The following MTA3 variants were observed in gnomAD, a reference collection of about 807,000 sequenced individuals.
The protein encoded by MTA3 is metastasis associated 1 family member 3, also known as metastasis-associated protein MTA3.
In MTA3, 34 loss-of-function variants were observed where a neutral mutation model predicts 83.5. The ratio of observed to expected loss-of-function variants is 0.41; its 90% CI spans 0.31 to 0.54. MTA3 has a LOEUF of 0.54. Among genes scored for constraint, MTA3 ranks in the 20% least tolerant of loss-of-function variants. MTA3 has a pLI of 0.33. For missense variants in MTA3, 761 were observed against 726.4 expected (o/e 1.05, Z -0.55); for synonymous variants, 303 against 252.7 (o/e 1.20, Z -1.89).
intron 3 of MTA3, among the ~76,000 whole-genome samples, chr2:42,597,367 C>G (rs984102928): frequency 7.2e-6 from 1 of 138,646 alleles, no homozygotes; most frequent in Non-Finnish European, 1.5e-5. Flanking sequence ...ACCTGGCCGA[C>G]AAGTTATCTT....
chr2:42,688,348 T>G (rs532011947), intron 9 of MTA3, among the ~76,000 whole-genome samples: 1 of 152,346 alleles, frequency 6.6e-6, no homozygotes, highest in African/African-American at 2.4e-5. Context: ...CCTCCCAAGT[T>G]GCTGGGATTA....
At chr2:42,667,578 G>GTGTGTGTGTGTGTGTGTT (rs1553379082) in intron 8 of MTA3, among the ~76,000 whole-genome samples, 36,317 of 129,436 alleles carry the variant, frequency 0.28, 4,945 homozygotes, top group South Asian at 0.34. Flanking sequence ...AATTGTGTGT[G>GTGTGTGTGTGTGTGTGTT]TGTGTGTGTG....
chr2:42,509,656 G>A (rs1218212428), intron 2 of MTA3, among the ~76,000 whole-genome samples: 1 of 151,736 alleles, frequency 6.6e-6, no homozygotes, highest in Non-Finnish European at 1.5e-5. Context: ...CTGTAATCCC[G>A]GCTACTTGGG....
chr2:42,754,722 G>GA lies in MTA3; in HGVS notation c.*1324dup. 1.0e-6 allele frequency: 1 copy of GA among 985,536 alleles called. No homozygotes were observed. The highest frequency in any genetic ancestry group is 1.2e-6 in the Non-Finnish European group (1 of 829,978). The allele number at this position is 985,536 out of a possible 1,614,324, so 61.0% of individuals were successfully genotyped here. ...TAGGAGGCAGCTGGATGGCAGATACGAGAGGCCCAAATAGCCAAGCTGTTG... is the reference window on the plus strand; with the variant it reads ...TAGGAGGCAGCTGGATGGCAGATACGAAGAGGCCCAAATAGCCAAGCTGTTG... On this transcript the variant is annotated 3_prime_UTR_variant, in exon 17 of 17. Transcript: ENST00000405094.
intron 12 of MTA3, among the ~76,000 whole-genome samples, chr2:42,704,801 C>G (rs1665921704): frequency 1.3e-5 from 2 of 152,194 alleles, no homozygotes; most frequent in Admixed American, 6.5e-5. Flanking sequence ...ATGATACTTG[C>G]TTTTGGCCTC....
At chr2:42,725,951 T>C (rs914142324) in intron 16 of MTA3, among the ~76,000 whole-genome samples, 9 of 152,136 alleles carry the variant, frequency 5.9e-5, no homozygotes, top group African/African-American at 2.2e-4. Flanking sequence ...GAATGGACCT[T>C]TTCATTGGGA....
At chr2:42,645,455 G>T (rs1688092807) in intron 6 of MTA3, among the ~76,000 whole-genome samples, 1 of 152,122 alleles carries the variant, frequency 6.6e-6, no homozygotes, top group Non-Finnish European at 1.5e-5. Flanking sequence ...AACCTCGGAG[G>T]CAGAGGTTGG....
intron 3 of MTA3, among the ~76,000 whole-genome samples, chr2:42,580,621 C>T (rs1679512395): frequency 6.6e-6 from 1 of 151,998 alleles, no homozygotes; most frequent in Admixed American, 6.6e-5. Flanking sequence ...CTGCTGACTT[C>T]AGCCTCCCAA....
chr2:42,672,846 C>CTTTT (rs70963344), intron 8 of MTA3, among the ~76,000 whole-genome samples: 1 of 114,362 alleles, frequency 8.7e-6, no homozygotes, highest in Non-Finnish European at 1.7e-5. Flanking sequence ...GTATAAAAAG[C>CTTTT]TTTTTTTTTT....
chr2:42,573,867 A>G (rs1678752650), intron 2 of MTA3, among the ~76,000 whole-genome samples: 2 of 147,974 alleles, frequency 1.4e-5, no homozygotes, highest in Non-Finnish European at 3.0e-5. Flanking sequence ...CGACCAGGCT[A>G]GAGTGCAGTG....
chr2:42,756,521 T>C lies in MTA3; in HGVS notation c.*3122T>C, dbSNP rs190642776. On this transcript the variant is annotated 3_prime_UTR_variant, in exon 17 of 17. Transcript: ENST00000405094. ...CGGTGTCATGTCTGAGCCTGGTGTT[T>C]ATGCCCCACTGCTGTCCTAAGTCCC... is the stretch of plus-strand genomic sequence containing the variant. 1.0e-6 allele frequency: 1 copy of C among 985,742 alleles called. No individual in the cohort carries two copies. Among genetic ancestry groups the C allele is most frequent in the Admixed American group, 6.1e-5 (1 of 16,290 alleles). 61.1% of individuals were successfully genotyped at this position (985,742 alleles called of 1,614,324 possible). A position where few individuals can be genotyped will look rare whatever the true frequency, so the allele number is the denominator to read the frequency against.
chr2:42,718,212 G>C (rs769215243), intron 14 of MTA3, among the ~76,000 whole-genome samples: 1 of 151,136 alleles, frequency 6.6e-6, no homozygotes. Flanking sequence ...TGTCCTTGAA[G>C]AGTGCTGTCT....
intron 4 of MTA3, among the ~76,000 whole-genome samples, chr2:42,621,171 T>C (rs1345618317): frequency 6.6e-6 from 1 of 151,718 alleles, no homozygotes; most frequent in Non-Finnish European, 1.5e-5. Context: ...CTTGGGTGTT[T>C]CTCGCAGAGG....
intron 4 of MTA3, among the ~76,000 whole-genome samples, chr2:42,612,668 C>T (rs1308648111): frequency 6.6e-6 from 1 of 152,098 alleles, no homozygotes; most frequent in Admixed American, 6.6e-5. Context: ...TGAGACCAGC[C>T]TAGCCAACAT....
At chr2:42,643,739 A>G (rs977964477) in intron 5 of MTA3, among the ~76,000 whole-genome samples, 1 of 152,188 alleles carries the variant, frequency 6.6e-6, no homozygotes, top group Non-Finnish European at 1.5e-5. Context: ...GGTATCTGTG[A>G]AGTCTTCCCT....
intron 2 of MTA3, among the ~76,000 whole-genome samples, chr2:42,573,506 C>T (rs148915697): frequency 9.9e-5 from 15 of 152,040 alleles, no homozygotes; most frequent in African/African-American, 3.6e-4. Flanking sequence ...ACCACCATAC[C>T]TGGCTAATTT....
intron 3 of MTA3, among the ~76,000 whole-genome samples, chr2:42,580,357 TTTTA>T (rs532773955): frequency 7.9e-5 from 12 of 151,530 alleles, no homozygotes; most frequent in South Asian, 4.2e-4. Flanking sequence ...ATTTAATTAA[TTTTA>T]TTTATTTATT....
At chr2:42,626,469 T>C (rs1424490550) in intron 4 of MTA3, among the ~76,000 whole-genome samples, 2 of 151,212 alleles carry the variant, frequency 1.3e-5, no homozygotes, top group African/African-American at 2.4e-5. Context: ...AGCTAATTTT[T>C]GCATTTTTAG....
chr2:42,606,282 A>T (rs1472781615), intron 3 of MTA3, among the ~76,000 whole-genome samples: 1 of 145,626 alleles, frequency 6.9e-6, no homozygotes, highest in Non-Finnish European at 1.5e-5. Context: ...TGCCGGGCGG[A>T]GACGCTCCTC....
Sources: allele counts gnomAD v4.1 joint callset (sites outside exome capture counted in the v4.1 genomes callset), GRCh38; gene constraint gnomAD v4.1.1; transcripts MANE v1.5; gene names NCBI Gene and HGNC (gene_info 2026-07-23, HGNC 2026-07-21).